VWC2L: variants seen among roughly 807,000 people sequenced by gnomAD.
VWC2L encodes von Willebrand factor C domain-containing protein 2-like.
A neutral mutation model predicts 21.6 loss-of-function variants in VWC2L; 10 were observed. The ratio of observed to expected loss-of-function variants is 0.46; its 90% CI spans 0.29 to 0.78. The LOEUF is 0.78. Among genes scored for constraint, VWC2L ranks in the 30% least tolerant of loss-of-function variants. The pLI is 0.10. For synonymous variants in VWC2L, 96 were observed against 94.3 expected, an observed-to-expected ratio of 1.02 and a Z score of -0.10; for missense variants, 209 against 277.1, an observed-to-expected ratio of 0.75 and a Z score of 1.74.
chr2:214,433,714 T>C (rs1035382684), intron 2 of VWC2L, among the ~76,000 whole-genome samples: 2 of 152,202 alleles, frequency 1.3e-5, no homozygotes, highest in African/African-American at 2.4e-5. Flanking sequence ...TAGTAACTTA[T>C]TGCTGTTCAA....
intron 3 of VWC2L, among the ~76,000 whole-genome samples, chr2:214,495,262 G>T (rs924632978): frequency 6.6e-6 from 1 of 151,992 alleles, no homozygotes; most frequent in South Asian, 2.1e-4. Flanking sequence ...CTGATCCTTC[G>T]TTACTGCCTT....
chr2:214,424,588 T>C (rs757879755), intron 2 of VWC2L, among the ~76,000 whole-genome samples: 18 of 152,184 alleles, frequency 1.2e-4, no homozygotes, highest in Non-Finnish European at 2.6e-4. Context: ...ACCTGATATT[T>C]TTACTACGAT....
chr2:214,447,451 A>G (rs906059973), intron 3 of VWC2L, among the ~76,000 whole-genome samples: 6 of 152,158 alleles, frequency 3.9e-5, no homozygotes, highest in Admixed American at 3.3e-4. Context: ...TGATGTAGAC[A>G]TGCTAGGAAG....
intron 3 of VWC2L, among the ~76,000 whole-genome samples, chr2:214,573,716 T>C (rs1039423600): frequency 7.2e-5 from 11 of 152,174 alleles, no homozygotes; most frequent in African/African-American, 2.4e-4. Flanking sequence ...AGTGTTGAAT[T>C]TTCCCAGGGA....
At chr2:214,518,796 A>T (rs1689186083) in intron 3 of VWC2L, among the ~76,000 whole-genome samples, 1 of 152,214 alleles carries the variant, frequency 6.6e-6, no homozygotes, top group African/African-American at 2.4e-5. Flanking sequence ...CAGAAAATTA[A>T]ATGAGATAAT....
chr2:214,454,941 C>T (rs1017443259), intron 3 of VWC2L, among the ~76,000 whole-genome samples: 7 of 152,000 alleles, frequency 4.6e-5, no homozygotes, highest in Non-Finnish European at 1.0e-4. Context: ...TGCACTTGTT[C>T]AAAGGTACTG....
chr2:214,414,817 G>A, intron 2 of VWC2L: 1 of 521,988 alleles, frequency 1.9e-6, no homozygotes, highest in Non-Finnish European at 3.3e-6. Context: ...GAAGTATTTG[G>A]GGCATACCTA....
chr2:214,508,409 AC>A (rs1415032892), intron 3 of VWC2L, among the ~76,000 whole-genome samples: 1 of 151,916 alleles, frequency 6.6e-6, no homozygotes. Flanking sequence ...TTCCCTGTCT[AC>A]TCCCAAACTG....
At chr2:214,455,214 TCA>T (rs1703037800) in intron 3 of VWC2L, among the ~76,000 whole-genome samples, 1 of 152,144 alleles carries the variant, frequency 6.6e-6, no homozygotes, top group Non-Finnish European at 1.5e-5. Context: ...TATCTGAATT[TCA>T]GTTTCCTTTG....
intron 3 of VWC2L, among the ~76,000 whole-genome samples, chr2:214,535,500 C>T (rs960261297): frequency 6.6e-6 from 1 of 151,878 alleles, no homozygotes; most frequent in Non-Finnish European, 1.5e-5. Flanking sequence ...GAGCTTGGCT[C>T]TCTCATGGGA....
chr2:214,443,924 T>C (rs1370314131), intron 3 of VWC2L, among the ~76,000 whole-genome samples: 1 of 152,180 alleles, frequency 6.6e-6, no homozygotes, highest in East Asian at 1.9e-4. Flanking sequence ...GATTGCATTC[T>C]TGAAAGCCCC....
intron 3 of VWC2L, among the ~76,000 whole-genome samples, chr2:214,481,431 A>G (rs1688602317): frequency 6.6e-6 from 1 of 152,184 alleles, no homozygotes; most frequent in African/African-American, 2.4e-5. Context: ...GAATGAGGCT[A>G]TTTTTAGATG....
At chr2:214,526,644 C>A (rs1054431882) in intron 3 of VWC2L, among the ~76,000 whole-genome samples, 1 of 152,176 alleles carries the variant, frequency 6.6e-6, no homozygotes, top group African/African-American at 2.4e-5. Flanking sequence ...CTATTGGTTT[C>A]TCTTCTTCCA....
intron 3 of VWC2L, among the ~76,000 whole-genome samples, chr2:214,492,257 A>G (rs1688755474): frequency 1.3e-5 from 2 of 152,204 alleles, no homozygotes; most frequent in African/African-American, 4.8e-5. Context: ...GCATGTGATG[A>G]CTATCCCCAG....
rs1033300801 is a variant in VWC2L at position 214,510,090 on chromosome 2, C to G, written c.521-65582C>G. The G allele has an allele frequency of 2.0e-5, 3 of 152,230 alleles. No individual in the cohort carries two copies. In the East Asian group the frequency reaches 5.8e-4, roughly 29 times the overall value. The allele number at this position is 152,230 out of a possible 1,614,324, so 9.4% of individuals were successfully genotyped here. A position where few individuals can be genotyped will look rare whatever the true frequency, so the allele number is the denominator to read the frequency against. ...AGTCACCTGACTCAATTTTGATTGC[C>G]TTTGCTTTTAAATTAAATCCCAAGC... On this transcript the variant is annotated intron_variant, in intron 3 of 3. Coordinates refer to ENST00000312504, the MANE Select transcript of VWC2L (RefSeq NM_001080500.4).
intron 2 of VWC2L, among the ~76,000 whole-genome samples, chr2:214,428,306 T>C (rs1702554696): frequency 6.6e-6 from 1 of 152,136 alleles, no homozygotes; most frequent in South Asian, 2.1e-4. Context: ...GCTCAAGAGG[T>C]TTAAGTAACC....
At chr2:214,475,190 G>A (rs527845261) in intron 3 of VWC2L, among the ~76,000 whole-genome samples, 1 of 152,266 alleles carries the variant, frequency 6.6e-6, no homozygotes, top group East Asian at 1.9e-4. Flanking sequence ...AATATATGTT[G>A]AGAAGTTTCT....
chr2:214,458,012 G>A (rs1400363615), intron 3 of VWC2L, among the ~76,000 whole-genome samples: 1 of 151,910 alleles, frequency 6.6e-6, no homozygotes, highest in Non-Finnish European at 1.5e-5. Context: ...CTCCTCTTCC[G>A]TTTTTTTGAA....
At chr2:214,458,313 CTTCT>C (rs1049332333) in intron 3 of VWC2L, among the ~76,000 whole-genome samples, 1 of 151,812 alleles carries the variant, frequency 6.6e-6, no homozygotes, top group African/African-American at 2.4e-5. Context: ...GTATGAGTGT[CTTCT>C]TTTTTTCATG....
Sources: gnomAD v4.1 joint callset for allele counts (sites outside exome capture counted in the v4.1 genomes callset) on GRCh38, gnomAD v4.1.1 for gene constraint, MANE v1.5 for transcripts, NCBI Gene and HGNC (gene_info 2026-07-23, HGNC 2026-07-21) for gene names.